The following LHPP variants were observed in gnomAD, a reference collection of about 807,000 sequenced individuals.
LHPP encodes phospholysine phosphohistidine inorganic pyrophosphate phosphatase, also known as hLHPP.
Under a neutral mutation model 30.3 loss-of-function variants are expected in LHPP, and 24 were observed. That is an observed-to-expected ratio of 0.79 (90% CI 0.57 to 1.11). The LOEUF (loss-of-function observed/expected upper bound fraction) is 1.11. LHPP is among the 50% of genes most tolerant of loss of function. The pLI is 0.00. For synonymous variants in LHPP, 150 were observed against 157.1 expected, an observed-to-expected ratio of 0.95 and a Z score of 0.34; for missense variants, 356 against 367.2, an observed-to-expected ratio of 0.97 and a Z score of 0.25.
intron 6 of LHPP, among the ~76,000 whole-genome samples, chr10:124,604,317 G>A (rs527822956): frequency 6.6e-6 from 1 of 152,212 alleles, no homozygotes; most frequent in Non-Finnish European, 1.5e-5. Flanking sequence ...GCCAGGTCAC[G>A]GGCTGGATGT....
rs983760126 is a variant in LHPP at position 124,575,900 on chromosome 10, G to C, written c.717-37364G>C. ...TCGCAGGGGCATGAGGTGCCTGGAC[G>C]GCAGAGAGCCAGGGCTGGGTGAGGA... On this transcript the variant is annotated intron_variant, in intron 6 of 6. Transcript: ENST00000368842. 2.0e-5 allele frequency among the ~76,000 whole-genome samples: 3 copies of C among 152,320 alleles called. No individual in the cohort carries two copies. In the East Asian group the frequency reaches 5.8e-4, roughly 29 times the overall value.
chr10:124,584,778 T>A (rs886276009), intron 6 of LHPP, among the ~76,000 whole-genome samples: 1 of 152,226 alleles, frequency 6.6e-6, no homozygotes, highest in Non-Finnish European at 1.5e-5. Flanking sequence ...TTTATTTAGA[T>A]CTTCTTTAAT....
chr10:124,572,663 A>AGGAAC (rs1564836935), intron 6 of LHPP, among the ~76,000 whole-genome samples: 1 of 105,066 alleles, frequency 9.5e-6, no homozygotes, highest in Non-Finnish European at 2.0e-5. Flanking sequence ...AGGAAAGGAA[A>AGGAAC]GAAAAGAAAA....
At position 124,510,081 on chromosome 10, in the gene LHPP, T is replaced by C. The variant is rs1174871317; in HGVS notation, c.625-7099T>C. On this transcript the variant is annotated intron_variant, in intron 5 of 6. Transcript: ENST00000368842. The surrounding 1 kb of genome is among the most constrained non-coding windows in gnomAD (Gnocchi z 4.0). ...CCATCCGGCTCTCTGGATCCTGGGT[T>C]CTGGGGGGTCCGACCTTTCATTTTT... Among the ~76,000 whole-genome samples, 1 of 151,974 alleles carries C rather than the reference T, an allele frequency of 6.6e-6. No homozygotes were observed. The highest frequency in any genetic ancestry group is 1.5e-5 in the Non-Finnish European group (1 of 67,986).
intron 6 of LHPP, among the ~76,000 whole-genome samples, chr10:124,537,472 C>T (rs1176513743): frequency 6.6e-6 from 1 of 152,230 alleles, no homozygotes; most frequent in Non-Finnish European, 1.5e-5. Context: ...GAGGCTGGCC[C>T]CATCGAAGGC....
chr10:124,517,326 C>G lies in LHPP; in HGVS notation c.716+55C>G, dbSNP rs930337258. ...CTTCCTTCCAGGGGATGACCACATT[C>G]TCATTCTGTTTTGTTCTTCAAAATA... On this transcript the variant is annotated intron_variant, in intron 6 of 6. Transcript: ENST00000368842. This position sits in a 1 kb window ranked among gnomAD's most constrained non-coding sequence, Gnocchi z 4.1. 6.9e-6 allele frequency: 8 copies of G among 1,155,122 alleles called. No individual in the cohort carries two copies. The highest frequency in any genetic ancestry group is 9.8e-6 in the Non-Finnish European group (8 of 818,224). 71.6% of individuals were successfully genotyped at this position (1,155,122 alleles called of 1,614,324 possible).
At chr10:124,497,964 G>T in intron 4 of LHPP, 72 bp from the exon 5 acceptor site, 1 of 1,218,144 alleles carries the variant, frequency 8.2e-7, no homozygotes, top group Non-Finnish European at 1.2e-6. Flanking sequence ...ATTTGGGACA[G>T]TGTTTCCGTG....
chr10:124,519,827 T>C (rs1954563195), intron 6 of LHPP, among the ~76,000 whole-genome samples: 1 of 152,038 alleles, frequency 6.6e-6, no homozygotes, highest in African/African-American at 2.4e-5. Flanking sequence ...TTTTTTTTCT[T>C]TGTTTCTTTC....
At chr10:124,612,961 T>A in intron 6 of LHPP, 1 of 453,744 alleles carries the variant, frequency 2.2e-6, no homozygotes, top group Non-Finnish European at 4.1e-6. Context: ...GTGAGATGTC[T>A]GTGCTGGAGG....
At chr10:124,507,926 G>A (rs1339036161) in intron 5 of LHPP, among the ~76,000 whole-genome samples, 1 of 72,368 alleles carries the variant, frequency 1.4e-5, no homozygotes, top group African/African-American at 7.5e-5. Flanking sequence ...GGTGGGGAGG[G>A]TAGGCATGAG....
intron 1 of LHPP, among the ~76,000 whole-genome samples, chr10:124,472,020 A>G (rs961417806): frequency 1.3e-5 from 2 of 151,982 alleles, no homozygotes; most frequent in African/African-American, 4.8e-5. Flanking sequence ...TTTTATGAAT[A>G]ACAATGTTGG....
At chr10:124,504,439 CA>C (rs36071785) in intron 5 of LHPP, among the ~76,000 whole-genome samples, 12 of 128,824 alleles carry the variant, frequency 9.3e-5, no homozygotes, top group Non-Finnish European at 1.3e-4. Context: ...AGAAAAAATG[CA>C]AAAAAAAAAA....
At chr10:124,482,682 C>G (rs10794114) in intron 1 of LHPP, among the ~76,000 whole-genome samples, 35,700 of 151,910 alleles carry the variant, frequency 0.24, 4,559 homozygotes, top group East Asian at 0.51. Flanking sequence ...GGGTCCCTTC[C>G]TGGTGGGCGC....
intron 6 of LHPP, among the ~76,000 whole-genome samples, chr10:124,599,950 G>T (rs1392664848): frequency 6.6e-6 from 1 of 152,230 alleles, no homozygotes; most frequent in Non-Finnish European, 1.5e-5. Context: ...TTGGGGGTAG[G>T]ATAGGTCCTG....
intron 6 of LHPP, among the ~76,000 whole-genome samples, chr10:124,606,120 G>T (rs1161253144): frequency 6.6e-5 from 10 of 152,210 alleles, no homozygotes; most frequent in Non-Finnish European, 1.3e-4. Context: ...CCCGAGGGAG[G>T]CTGCCCCCAG....
At chr10:124,600,087 C>T (rs1949002211) in intron 6 of LHPP, among the ~76,000 whole-genome samples, 1 of 152,128 alleles carries the variant, frequency 6.6e-6, no homozygotes, top group Admixed American at 6.5e-5. Flanking sequence ...GACATGAGTG[C>T]TCGGGAGCGG....
intron 6 of LHPP, among the ~76,000 whole-genome samples, chr10:124,574,223 A>G (rs912034641): frequency 6.6e-6 from 1 of 152,330 alleles, no homozygotes; most frequent in South Asian, 2.1e-4. Context: ...TTTTTGACAT[A>G]TGGATCTCAG....
At chr10:124,570,640 A>G (rs759478094) in intron 6 of LHPP, among the ~76,000 whole-genome samples, 49 of 152,146 alleles carry the variant, frequency 3.2e-4, no homozygotes, top group Non-Finnish European at 2.2e-4. Context: ...CCACACCCCC[A>G]GCCCCTAGCA....
chr10:124,595,403 T>C (rs1179268850), intron 6 of LHPP, among the ~76,000 whole-genome samples: 1 of 152,238 alleles, frequency 6.6e-6, no homozygotes, highest in Non-Finnish European at 1.5e-5. Flanking sequence ...AGGAGTCTGC[T>C]CGTGTGGGAA....
Sources: allele counts gnomAD v4.1 joint callset (sites outside exome capture counted in the v4.1 genomes callset), GRCh38; gene constraint gnomAD v4.1.1; non-coding constraint Gnocchi (gnomAD v3.1); transcripts MANE v1.5; gene names NCBI Gene and HGNC (gene_info 2026-07-23, HGNC 2026-07-21).